NTN1: variants seen among roughly 807,000 people sequenced by gnomAD.
NTN1 encodes netrin-1.
NTN1 carries 11 observed loss-of-function variants against 54.2 expected under a neutral mutation model. That is an observed-to-expected ratio of 0.20 (90% CI 0.13 to 0.34). The LOEUF is 0.34. Ranked by LOEUF, NTN1 falls within the 10% of genes least tolerant of loss-of-function variation. The pLI is 1.00. For missense variants in NTN1, 740 were observed against 893.1 expected (o/e 0.83, Z 2.18); for synonymous variants, 371 against 382.0 (o/e 0.97, Z 0.33).
At chr17:9,075,091 C>T (rs1010053572) in intron 2 of NTN1, among the ~76,000 whole-genome samples, 1 of 152,210 alleles carries the variant, frequency 6.6e-6, no homozygotes, top group African/African-American at 2.4e-5. Context: ...AGCAGGGTCT[C>T]TGGAGCCAGG....
chr17:9,128,543 C>T (rs182298928), intron 2 of NTN1, among the ~76,000 whole-genome samples: 2 of 152,356 alleles, frequency 1.3e-5, no homozygotes, highest in East Asian at 1.9e-4. Context: ...GACTGGCCCT[C>T]ATCTTCTCCA....
Position 9,023,051 on chromosome 17 carries a change from GC to G in NTN1, c.681del (p.Ser228ArgfsTer202). On this transcript the variant is annotated frameshift_variant, in exon 2 of 7. Transcript: ENST00000173229. LOFTEE classifies it high-confidence loss of function. ...TCGCCTTCAGCACGCTGGACGGGCG[GC>G]CCTCGGCGCACGACTTCGACAACTC... The part of the protein sequence containing the change: ...LIAFSTLDGR[P>X]SAHDFDNSPV... The G allele has an allele frequency of 6.3e-7, 1 of 1,584,872 alleles. No homozygotes were observed. Among genetic ancestry groups the G allele is most frequent in the Non-Finnish European group, 8.6e-7 (1 of 1,167,358 alleles).
chr17:9,111,380 T>G (rs906512684), intron 2 of NTN1, among the ~76,000 whole-genome samples: 1 of 152,192 alleles, frequency 6.6e-6, no homozygotes, highest in Non-Finnish European at 1.5e-5. Flanking sequence ...GCAAATGCTA[T>G]GAATTTCAGA....
chr17:9,221,419 C>A lies in NTN1; in HGVS notation c.1486+177C>A, dbSNP rs1313259092. On this transcript the variant is annotated intron_variant, in intron 6 of 6. Coordinates refer to ENST00000173229, the MANE Select transcript of NTN1 (RefSeq NM_004822.3). The surrounding 1 kb of genome is among the most constrained non-coding windows in gnomAD (Gnocchi z 4.5). ...ATTTCTCATCTTTTCCTCCTTGGCC[C>A]TCAGAGACGGGGGCATGAGGAGCCC... 6.6e-6 allele frequency among the ~76,000 whole-genome samples: 1 copy of A among 152,196 alleles called. No homozygotes were observed. The highest frequency in any genetic ancestry group is 1.5e-5 in the Non-Finnish European group (1 of 68,032).
intron 2 of NTN1, among the ~76,000 whole-genome samples, chr17:9,055,311 C>T (rs941569732): frequency 3.3e-5 from 5 of 152,252 alleles, no homozygotes; most frequent in Non-Finnish European, 5.9e-5. Context: ...ATGCTAACCG[C>T]TGCCTGCACC....
chr17:9,141,297 G>A lies in NTN1; in HGVS notation c.1019-21516G>A, dbSNP rs76619136. ...TGGAAGAACGCCAGCTTTAATGAGG[G>A]GGGGGAGAAGGGCAAGCATGAAAGG... On this transcript the variant is annotated intron_variant, in intron 2 of 6. Coordinates refer to ENST00000173229, the MANE Select transcript of NTN1 (RefSeq NM_004822.3). Among the ~76,000 whole-genome samples, 734 of 152,106 alleles carry A rather than the reference G, an allele frequency of 4.8e-3. 5 individuals are homozygous for A. Among genetic ancestry groups the A allele is most frequent in the African/African-American group, 0.015 (615 of 41,492 alleles).
Position 9,238,821 on chromosome 17 carries a change from G to A in NTN1, c.1487-819G>A, listed in dbSNP as rs114494705. The stretch of plus-strand genomic sequence containing the variant: ...ATTTGTCCTCTGAGTCAATGACATC[G>A]GCACCACTTGTGAGAAATGCATATT... On this transcript the variant is annotated intron_variant, in intron 6 of 6. Transcript: ENST00000173229. 4.7e-3 allele frequency among the ~76,000 whole-genome samples: 710 copies of A among 152,256 alleles called. 5 individuals are homozygous for A. Among genetic ancestry groups the A allele is most frequent in the African/African-American group, 0.016 (672 of 41,534 alleles).
rs1044938587 is a variant in NTN1, at chr17:9,075,483, A to G, written c.1018+52092A>G. Among the ~76,000 whole-genome samples, 5 of 152,186 alleles carry G rather than the reference A, an allele frequency of 3.3e-5. No homozygotes were observed. The South Asian group carries it at 8.3e-4, about 25-fold the overall frequency. On this transcript the variant is annotated intron_variant, in intron 2 of 6. Coordinates refer to ENST00000173229, the MANE Select transcript of NTN1 (RefSeq NM_004822.3). ...GTGACAGAGGGAGACTCCATCTCAAACAAAAACAAAAACAAAACAAACAAA... is the reference window on the plus strand; with the variant it reads ...GTGACAGAGGGAGACTCCATCTCAAGCAAAAACAAAAACAAAACAAACAAA...
At chr17:9,042,944 A>T (rs1471017207) in intron 2 of NTN1, among the ~76,000 whole-genome samples, 1 of 152,186 alleles carries the variant, frequency 6.6e-6, no homozygotes, top group African/African-American at 2.4e-5. Flanking sequence ...TGGTCCTTGA[A>T]GGTTTGTTAG....
chr17:9,165,232 G>T lies in NTN1; in HGVS notation c.1207+2231G>T, dbSNP rs963951323. ...GTATGTTTCCCAGAGAGGCAAGAAGGGGCAGGGCCCTGGTCACCTCCACCT... is the reference window on the plus strand; with the variant it reads ...GTATGTTTCCCAGAGAGGCAAGAAGTGGCAGGGCCCTGGTCACCTCCACCT... On this transcript the variant is annotated intron_variant, in intron 3 of 6. Transcript: ENST00000173229. This position sits in a 1 kb window ranked among gnomAD's most constrained non-coding sequence, Gnocchi z 4.5. 9.9e-5 allele frequency among the ~76,000 whole-genome samples: 15 copies of T among 151,114 alleles called. No homozygotes were observed. Among genetic ancestry groups the T allele is most frequent in the African/African-American group, 3.7e-4 (15 of 41,038 alleles).
the NTN1 span, among the ~76,000 whole-genome samples, chr17:9,007,587 T>C: frequency 6.8e-6 from 1 of 148,000 alleles, no homozygotes; most frequent in Admixed American, 6.7e-5. Context: ...CTTCCTTCCC[T>C]CCCTTCCTAC....
chr17:9,200,458 C>T (rs572479420), intron 5 of NTN1, among the ~76,000 whole-genome samples: 9 of 152,204 alleles, frequency 5.9e-5, no homozygotes, highest in East Asian at 1.9e-4. Flanking sequence ...GATTAGCAGC[C>T]GCAGACGGAT....
intron 2 of NTN1, among the ~76,000 whole-genome samples, chr17:9,089,655 C>T (rs2092102788): frequency 6.6e-6 from 1 of 152,080 alleles, no homozygotes; most frequent in African/African-American, 2.4e-5. Context: ...GCTTCCCCTG[C>T]CTGCAAAAAC....
intron 2 of NTN1, among the ~76,000 whole-genome samples, chr17:9,091,705 G>A (rs1243870201): frequency 1.3e-5 from 2 of 151,716 alleles, no homozygotes; most frequent in African/African-American, 2.4e-5. Flanking sequence ...TGCCTGCCTC[G>A]GCCTCCCAGA....
chr17:9,137,352 T>A (rs2092284240), intron 2 of NTN1, among the ~76,000 whole-genome samples: 1 of 152,126 alleles, frequency 6.6e-6, no homozygotes, highest in African/African-American at 2.4e-5. Context: ...GCTGAGCGAA[T>A]ATTTGATTCC....
intron 2 of NTN1, among the ~76,000 whole-genome samples, chr17:9,026,399 G>GGC (rs2091870894): frequency 6.7e-6 from 1 of 149,316 alleles, no homozygotes; most frequent in Admixed American, 6.7e-5. Flanking sequence ...TCCGGGGGGG[G>GGC]GGAACAAACA....
chr17:9,203,610 C>T (rs1306741191), intron 5 of NTN1, among the ~76,000 whole-genome samples: 3 of 151,784 alleles, frequency 2.0e-5, no homozygotes, highest in Non-Finnish European at 2.9e-5. Flanking sequence ...AGCAGCCTGG[C>T]CAACATGGTG....
intron 2 of NTN1, among the ~76,000 whole-genome samples, chr17:9,138,515 A>C (rs1409035988): frequency 2.0e-5 from 3 of 152,086 alleles, no homozygotes. Context: ...CACTCTCCGC[A>C]CACTGTCACC....
At chr17:9,176,514 A>T (rs2092400482) in intron 3 of NTN1, 2 of 152,112 alleles carry the variant, frequency 1.3e-5, no homozygotes, top group African/African-American at 2.4e-5. Flanking sequence ...ACTGCCAGTC[A>T]CATTCTCCCT....
Sources: gnomAD v4.1 joint callset for allele counts (sites outside exome capture counted in the v4.1 genomes callset) on GRCh38, gnomAD v4.1.1 for gene constraint, Gnocchi (gnomAD v3.1) non-coding constraint, MANE v1.5 for transcripts, NCBI Gene and HGNC (gene_info 2026-07-23, HGNC 2026-07-21) for gene names.